Variants in CRB1 observed in about 807,000 individuals in gnomAD.
CRB1 encodes the protein protein crumbs homolog 1.
Under a neutral mutation model 120.0 loss-of-function variants are expected in CRB1, and 83 were observed. That is an observed-to-expected ratio of 0.69 (90% CI 0.58 to 0.83). CRB1 has a LOEUF of 0.83. Ranked by LOEUF, CRB1 falls within the 40% of genes least tolerant of loss-of-function variation. The pLI is 0.00. For missense variants in CRB1, 1,699 were observed against 1,687.6 expected (o/e 1.01, Z -0.12); for synonymous variants, 625 against 612.5 (o/e 1.02, Z -0.30).
At chr1:197,409,435 T>A (rs1259961589) in intron 5 of CRB1, among the ~76,000 whole-genome samples, 2 of 152,228 alleles carry the variant, frequency 1.3e-5, no homozygotes, top group African/African-American at 2.4e-5. Flanking sequence ...TTAAAAATGT[T>A]GCATACAATT....
chr1:197,252,576 A>ATGTGTGTG, the CRB1 span, among the ~76,000 whole-genome samples: 14 of 35,052 alleles, frequency 4.0e-4, no homozygotes, highest in Admixed American at 1.5e-3. Context: ...ATATATATAT[A>ATGTGTGTG]TATATATGTG....
the CRB1 span, chr1:197,222,728 G>A: frequency 1.2e-6 from 1 of 862,334 alleles, no homozygotes; most frequent in Non-Finnish European, 2.0e-6. Flanking sequence ...TGAATTCTCT[G>A]AGTAGGAACA....
intron 11 of CRB1, among the ~76,000 whole-genome samples, chr1:197,476,881 TCA>T (rs539303495): frequency 2.0e-3 from 312 of 152,320 alleles, no homozygotes; most frequent in Admixed American, 8.0e-3. Context: ...TGCAACTCAG[TCA>T]CAGTTTCATG....
upstream of CRB1, among the ~76,000 whole-genome samples, chr1:197,264,867 C>T (rs541398269): frequency 1.3e-5 from 2 of 151,992 alleles, no homozygotes; most frequent in East Asian, 3.9e-4. Flanking sequence ...TCATGTGATC[C>T]ACCCGCCTCA....
intron 1 of CRB1, among the ~76,000 whole-genome samples, chr1:197,314,738 A>G (rs890616416): frequency 6.6e-6 from 1 of 152,144 alleles, no homozygotes; most frequent in Admixed American, 6.5e-5. Flanking sequence ...CTCTACTCCT[A>G]AAGAAAGGCC....
chr1:197,368,274 G>A (rs2125377030), intron 5 of CRB1, among the ~76,000 whole-genome samples: 1 of 152,110 alleles, frequency 6.6e-6, no homozygotes, highest in East Asian at 1.9e-4. Context: ...ACAGATATTT[G>A]ATATGCATAA....
intron 5 of CRB1, among the ~76,000 whole-genome samples, chr1:197,382,999 AT>A (rs901455499): frequency 8.5e-5 from 13 of 152,190 alleles, no homozygotes; most frequent in African/African-American, 3.1e-4. Context: ...GAAGTACAAA[AT>A]TGGTAACTAC....
At chr1:197,316,430 G>T (rs577343612) in intron 1 of CRB1, among the ~76,000 whole-genome samples, 1 of 151,922 alleles carries the variant, frequency 6.6e-6, no homozygotes, top group Non-Finnish European at 1.5e-5. Context: ...TGATCCGCCC[G>T]CCTCGGCCTC....
intron 11 of CRB1, among the ~76,000 whole-genome samples, chr1:197,475,762 C>T (rs1415050551): frequency 1.3e-5 from 2 of 152,206 alleles, no homozygotes. Flanking sequence ...CATACACATT[C>T]ATGGTCAATG....
At chr1:197,474,469 G>C (rs1336282471) in intron 11 of CRB1, among the ~76,000 whole-genome samples, 1 of 152,166 alleles carries the variant, frequency 6.6e-6, no homozygotes, top group African/African-American at 2.4e-5. Flanking sequence ...AGCAACTGTA[G>C]ATGAAGGACT....
Position 197,435,452 on chromosome 1 carries a change from G to C in CRB1, c.3589G>C (p.Ala1197Pro), listed in dbSNP as rs1180152805. Reference sequence around the variant, plus strand: ...TGGCAACTGCTCTGACAGAGTTGCAGCCTACCACTGCACATGTGAGCCTGG... The same window carrying C: ...TGGCAACTGCTCTGACAGAGTTGCACCCTACCACTGCACATGTGAGCCTGG... ...IHGNCSDRVAAYHCTCEPGYT... is the reference protein window; with the variant it reads ...IHGNCSDRVAPYHCTCEPGYT... Residue 1197 changes from alanine to proline, a missense_variant, in exon 9 of 12, where the codon GCC (alanine) becomes CCC (proline). Transcript: ENST00000367400. 2 of 1,595,464 alleles carry C rather than the reference G, an allele frequency of 1.3e-6. No individual in the cohort carries two copies. Among genetic ancestry groups the C allele is most frequent in the Admixed American group, 3.4e-5 (2 of 58,762 alleles).
At chr1:197,354,211 A>G (rs999854411) in intron 4 of CRB1, among the ~76,000 whole-genome samples, 24 of 152,338 alleles carry the variant, frequency 1.6e-4, no homozygotes, top group African/African-American at 5.8e-4. Flanking sequence ...TGCAAATGGT[A>G]CAACTAGAGA....
the CRB1 span, among the ~76,000 whole-genome samples, chr1:197,245,745 T>C: frequency 2.0e-5 from 3 of 152,082 alleles, no homozygotes; most frequent in Non-Finnish European, 4.4e-5. Context: ...CCTTTGACGC[T>C]GCTCCAGCAT....
intron 2 of CRB1, among the ~76,000 whole-genome samples, chr1:197,342,308 C>G (rs1659513201): frequency 6.6e-6 from 1 of 152,064 alleles, no homozygotes; most frequent in Non-Finnish European, 1.5e-5. Context: ...CATACCCATA[C>G]TCTCTCTCAC....
the CRB1 span, among the ~76,000 whole-genome samples, chr1:197,204,387 T>C: frequency 6.6e-6 from 1 of 152,248 alleles, no homozygotes; most frequent in Non-Finnish European, 1.5e-5. Context: ...CTAGTTCACA[T>C]TCCCACCAGT....
chr1:197,333,754 G>A (rs1048836330), intron 2 of CRB1, among the ~76,000 whole-genome samples: 1 of 152,186 alleles, frequency 6.6e-6, no homozygotes, highest in East Asian at 1.9e-4. Context: ...TTACAGAGTA[G>A]TTAGAAGACT....
At chr1:197,388,114 A>G (rs1003450056) in intron 5 of CRB1, among the ~76,000 whole-genome samples, 3 of 151,908 alleles carry the variant, frequency 2.0e-5, no homozygotes, top group Non-Finnish European at 2.9e-5. Flanking sequence ...ATTATCCCCT[A>G]TTCTTGGACA....
chr1:197,387,356 T>C (rs1007890115), intron 5 of CRB1, among the ~76,000 whole-genome samples: 4 of 152,144 alleles, frequency 2.6e-5, no homozygotes, highest in African/African-American at 9.7e-5. Context: ...ATATAGCTAA[T>C]CAGGAACTTA....
At chr1:197,429,758 CTGA>C in intron 8 of CRB1, 144 bp downstream of exon 8, 1 of 842,592 alleles carries the variant, frequency 1.2e-6, no homozygotes, top group South Asian at 1.7e-5. Context: ...TAGGCTAATA[CTGA>C]CTGGCCTCTT....
Sources: allele counts gnomAD v4.1 joint callset (sites outside exome capture counted in the v4.1 genomes callset), GRCh38; gene constraint gnomAD v4.1.1; transcripts MANE v1.5; gene names NCBI Gene and HGNC (gene_info 2026-07-23, HGNC 2026-07-21).